Variants in IL21R observed in about 807,000 individuals in gnomAD.
The protein encoded by IL21R is interleukin-21 receptor.
A neutral mutation model predicts 41.3 loss-of-function variants in IL21R; 14 were observed. The observed-to-expected ratio is 0.34, with a 90% CI of 0.22 to 0.53. The LOEUF (loss-of-function observed/expected upper bound fraction) is 0.53, where lower values mean the gene tolerates loss of function less well. Ranked by LOEUF, IL21R falls within the 20% of genes least tolerant of loss-of-function variation. The probability of loss-of-function intolerance (pLI) is 0.94; values close to 1 mark genes in which losing one functional copy is unlikely to be tolerated. For synonymous variants in IL21R, 286 were observed against 287.6 expected, an observed-to-expected ratio of 0.99 and a Z score of 0.05; for missense variants, 588 against 681.6, an observed-to-expected ratio of 0.86 and a Z score of 1.53.
chr16:27,449,154 C>T lies in IL21R; in HGVS notation c.1488C>T (p.Gly496=). 2 of 1,613,222 alleles carry T rather than the reference C, an allele frequency of 1.2e-6. No individual in the cohort carries two copies. The highest frequency in any genetic ancestry group is 4.5e-5 in the East Asian group (2 of 44,870). The stretch of plus-strand genomic sequence containing the variant: ...ACACGTTTGACAGTGGCTTTGTGGG[C>T]TCTGACTGCAGCAGCCCTGTGGAGT... The part of the protein sequence containing the change: ...DMDTFDSGFV[G]SDCSSPVECD... The change falls in exon 9 of 9, where the codon GGC becomes GGT. Residue 496 remains glycine, a synonymous_variant. Transcript: ENST00000337929.
At chr16:27,426,903 T>TC (rs1479050214) in intron 1 of IL21R, among the ~76,000 whole-genome samples, 2 of 152,150 alleles carry the variant, frequency 1.3e-5, no homozygotes, top group Admixed American at 6.5e-5. Flanking sequence ...GGTTTTTGGC[T>TC]CATGGGAATG....
chr16:27,433,577 AT>A lies in IL21R; in HGVS notation c.50-767del, dbSNP rs1329493321. Among the ~76,000 whole-genome samples the A allele has an allele frequency of 2.0e-5, 3 of 152,364 alleles. No homozygotes were observed. The East Asian group carries it at 5.8e-4, about 29-fold the overall frequency. On this transcript the variant is annotated intron_variant, in intron 2 of 8. Coordinates refer to ENST00000337929, the MANE Select transcript of IL21R (RefSeq NM_181078.3). ...AAATTATTCCATTGATTTTGTCCAC[AT>A]TTAACAAAATGTAGATGATGATTGC...
intron 4 of IL21R, among the ~76,000 whole-genome samples, chr16:27,438,084 T>C (rs1216596011): frequency 2.6e-5 from 4 of 152,102 alleles, no homozygotes; most frequent in African/African-American, 7.2e-5. Context: ...AGGTTGATAA[T>C]AGGTTTGAGA....
chr16:27,403,427 C>A (rs917531208), intron 1 of IL21R, among the ~76,000 whole-genome samples: 3 of 152,098 alleles, frequency 2.0e-5, no homozygotes, highest in African/African-American at 7.2e-5. Flanking sequence ...CAGGAGGCTG[C>A]TGCGAGGAGG....
intron 1 of IL21R, among the ~76,000 whole-genome samples, chr16:27,422,314 G>A (rs1397987942): frequency 6.6e-6 from 1 of 151,852 alleles, no homozygotes; most frequent in Non-Finnish European, 1.5e-5. Flanking sequence ...TAAATCTGTG[G>A]CTTAATGTCT....
chr16:27,410,806 T>C (rs1596565905), intron 1 of IL21R, among the ~76,000 whole-genome samples: 1 of 152,238 alleles, frequency 6.6e-6, no homozygotes, highest in African/African-American at 2.4e-5. Flanking sequence ...CTATACCCAT[T>C]GAAAAACAAC....
chr16:27,444,784 C>G, intron 6 of IL21R, 65 bp downstream of exon 6: 1 of 1,408,880 alleles, frequency 7.1e-7, no homozygotes, highest in South Asian at 1.5e-5. Flanking sequence ...TCTAGCCACC[C>G]TAAGCCCTGA....
intron 7 of IL21R, among the ~76,000 whole-genome samples, chr16:27,445,763 T>C (rs1012710079): frequency 2.0e-5 from 3 of 152,102 alleles, no homozygotes; most frequent in Admixed American, 6.5e-5. Flanking sequence ...AGGGGCAACA[T>C]TTGCCCAGCA....
chr16:27,434,059 TGGA>T (rs1447112356), intron 2 of IL21R, among the ~76,000 whole-genome samples: 1 of 152,186 alleles, frequency 6.6e-6, no homozygotes, highest in African/African-American at 2.4e-5. Context: ...CGCAGGGCTC[TGGA>T]GGAGGGTGCT....
At chr16:27,448,501 T>G in intron 8 of IL21R, 33 bp from the exon 9 acceptor site, 1 of 1,553,876 alleles carries the variant, frequency 6.4e-7, no homozygotes, top group Non-Finnish European at 8.7e-7. Flanking sequence ...ACCCTCATCC[T>G]GTGCTATGAC....
chr16:27,412,534 A>G (rs1205229837), intron 1 of IL21R, among the ~76,000 whole-genome samples: 1 of 151,770 alleles, frequency 6.6e-6, no homozygotes. Flanking sequence ...AAAAACTGTC[A>G]TTGAGATTTT....
chr16:27,403,945 GA>G (rs1204722595), intron 1 of IL21R, among the ~76,000 whole-genome samples: 1 of 152,208 alleles, frequency 6.6e-6, no homozygotes, highest in Non-Finnish European at 1.5e-5. Flanking sequence ...GCTTAGTGGG[GA>G]CAACCTTGCC....
chr16:27,436,665 C>T (rs999381116), intron 3 of IL21R, among the ~76,000 whole-genome samples: 2 of 152,220 alleles, frequency 1.3e-5, no homozygotes, highest in Admixed American at 6.5e-5. Context: ...TAAAAAGCCA[C>T]AGCATTTTCC....
chr16:27,430,028 C>A, intron 1 of IL21R, 28 bp from the exon 2 acceptor site: 1 of 1,599,478 alleles, frequency 6.3e-7, no homozygotes. Context: ...GCCCGCCTGG[C>A]TCACCCTCCA....
At chr16:27,448,133 T>C (rs1391734760) in intron 8 of IL21R, 2 of 174,110 alleles carry the variant, frequency 1.1e-5, no homozygotes, top group African/African-American at 4.8e-5. Context: ...CTTGTCTCTG[T>C]GTCTGTGTCT....
At chr16:27,431,373 C>T (rs1476034940) in intron 2 of IL21R, among the ~76,000 whole-genome samples, 1 of 152,150 alleles carries the variant, frequency 6.6e-6, no homozygotes, top group Non-Finnish European at 1.5e-5. Context: ...TCCACTGTCC[C>T]AACAGCCCCA....
intron 2 of IL21R, among the ~76,000 whole-genome samples, chr16:27,431,410 G>A (rs2087169137): frequency 6.6e-6 from 1 of 152,134 alleles, no homozygotes; most frequent in East Asian, 1.9e-4. Flanking sequence ...ATGACGCCCA[G>A]TTTTTTGGCT....
Position 27,449,188 on chromosome 16 carries a change from A to G in IL21R, c.1522A>G (p.Thr508Ala). ...DCSSPVECDFTSPGDEGPPRS... is the reference protein window; with the variant it reads ...DCSSPVECDFASPGDEGPPRS... ...CAGCAGCCCTGTGGAGTGTGACTTC[A>G]CCAGCCCCGGGGACGAAGGACCCCC... is the stretch of plus-strand genomic sequence containing the variant. Residue 508 changes from threonine (T) to alanine (A), a missense_variant, in exon 9 of 9, where the codon ACC becomes GCC. Transcript: ENST00000337929. 6.2e-7 allele frequency: 1 copy of G among 1,612,884 alleles called. No individual in the cohort carries two copies. The highest frequency in any genetic ancestry group is 8.5e-7 in the Non-Finnish European group (1 of 1,179,968).
At chr16:27,417,629 C>T (rs2141267644) in intron 1 of IL21R, among the ~76,000 whole-genome samples, 1 of 144,518 alleles carries the variant, frequency 6.9e-6, no homozygotes, top group South Asian at 2.3e-4. Flanking sequence ...GTGGTATAGC[C>T]TACTACACAC....
Sources: allele counts gnomAD v4.1 joint callset (sites outside exome capture counted in the v4.1 genomes callset), GRCh38; gene constraint gnomAD v4.1.1; transcripts MANE v1.5; gene names NCBI Gene and HGNC (gene_info 2026-07-23, HGNC 2026-07-21).